Variants in CDH4 observed in about 807,000 individuals in gnomAD.
CDH4 encodes the protein cadherin-4.
Under a neutral mutation model 86.0 loss-of-function variants are expected in CDH4, and 33 were observed. The ratio of observed to expected loss-of-function variants is 0.38; its 90% CI spans 0.29 to 0.51. CDH4 has a LOEUF of 0.51. Ranked by LOEUF, CDH4 falls within the 20% of genes least tolerant of loss-of-function variation. The probability of loss-of-function intolerance (pLI) is 0.86; values close to 1 mark genes in which losing one functional copy is unlikely to be tolerated. For synonymous variants in CDH4, 555 were observed against 549.4 expected (o/e 1.01, Z -0.14); for missense variants, 1,114 against 1,307.4 (o/e 0.85, Z 2.28).
At chr20:61,873,663 G>T in intron 6 of CDH4, 65 bp from the exon 7 acceptor site, 1 of 1,543,184 alleles carries the variant, frequency 6.5e-7, no homozygotes, top group East Asian at 2.2e-5. Context: ...CTCTGCCCAG[G>T]TGTGTGCGGG....
chr20:61,705,140 A>G (rs576420899), intron 2 of CDH4, among the ~76,000 whole-genome samples: 13 of 152,326 alleles, frequency 8.5e-5, no homozygotes, highest in African/African-American at 2.9e-4. Context: ...GCCTAGACCT[A>G]GCAGACTTCC....
intron 2 of CDH4, among the ~76,000 whole-genome samples, chr20:61,426,277 A>G (rs138682830): frequency 1.1e-3 from 165 of 152,272 alleles, no homozygotes; most frequent in African/African-American, 3.6e-3. Flanking sequence ...TTGCTTGGAA[A>G]AACACTCTGG....
intron 4 of CDH4, among the ~76,000 whole-genome samples, chr20:61,825,482 T>C (rs570699831): frequency 1.3e-5 from 2 of 152,224 alleles, no homozygotes; most frequent in East Asian, 3.9e-4. Flanking sequence ...CCAAGCTCAC[T>C]CCTAAGAATG....
At chr20:61,650,736 A>C (rs559040630) in intron 2 of CDH4, among the ~76,000 whole-genome samples, 2 of 152,348 alleles carry the variant, frequency 1.3e-5, no homozygotes, top group East Asian at 3.9e-4. Context: ...TAAAGGTAAC[A>C]ATAATTACAG....
chr20:61,346,059 C>T (rs13045809), intron 2 of CDH4, among the ~76,000 whole-genome samples: 19,938 of 152,200 alleles, frequency 0.13, 1,714 homozygotes, highest in East Asian at 0.32. Context: ...AATGCTCACG[C>T]GGGACAAATT....
intron 6 of CDH4, 54 bp downstream of exon 6, chr20:61,852,952 C>G (rs1982802717): frequency 5.1e-6 from 8 of 1,578,884 alleles, no homozygotes; most frequent in Non-Finnish European, 6.9e-6. Context: ...GCGGGTGCAG[C>G]ACAGGCCCTG....
chr20:61,915,621 A>G (rs1226662497), intron 9 of CDH4, among the ~76,000 whole-genome samples: 1 of 152,200 alleles, frequency 6.6e-6, no homozygotes, highest in Non-Finnish European at 1.5e-5. Flanking sequence ...AGTGCATCAC[A>G]CTAAGTGAGA....
At chr20:61,858,741 T>C (rs1406305709) in intron 6 of CDH4, among the ~76,000 whole-genome samples, 1 of 152,198 alleles carries the variant, frequency 6.6e-6, no homozygotes, top group African/African-American at 2.4e-5. Context: ...GTCGTATCCA[T>C]AGCTCGTTCC....
chr20:61,639,570 A>G (rs1216998993), intron 2 of CDH4, among the ~76,000 whole-genome samples: 1 of 152,210 alleles, frequency 6.6e-6, no homozygotes, highest in African/African-American at 2.4e-5. Context: ...CTAAGAGGTC[A>G]TCTTGATGAG....
intron 2 of CDH4, among the ~76,000 whole-genome samples, chr20:61,428,204 C>T (rs907367160): frequency 2.0e-5 from 3 of 152,186 alleles, no homozygotes; most frequent in Admixed American, 6.5e-5. Context: ...AAAAATCAGA[C>T]ACTACCAAGT....
In CDH4 at chr20:61,910,535, T is replaced by C. The variant is rs2054839054; in HGVS notation, c.1302T>C (p.Ser434=). The change falls in exon 9 of 16, where the codon AGT becomes AGC. Residue 434 remains serine (S), a synonymous_variant. Transcript: ENST00000614565. ...GGAATGCCGTTTACCGCATCATCAG[T>C]GGGGATCCATCCGGGCACTTCAGCG... ...PNWNAVYRII[S]GDPSGHFSVR... is the part of the protein sequence containing the mutation. 1 of 1,613,952 alleles carries C rather than the reference T, an allele frequency of 6.2e-7. No homozygotes were observed. Among genetic ancestry groups the C allele is most frequent in the Non-Finnish European group, 8.5e-7 (1 of 1,180,016 alleles).
intron 4 of CDH4, among the ~76,000 whole-genome samples, chr20:61,840,493 A>T (rs1042673795): frequency 4.6e-5 from 7 of 152,348 alleles, no homozygotes; most frequent in African/African-American, 1.4e-4. Flanking sequence ...TTCCAAGCAG[A>T]AGTCCCTGGG....
chr20:61,447,875 TTTCATCATATTTTCCAACAC>T, intron 2 of CDH4, among the ~76,000 whole-genome samples: 1 of 152,304 alleles, frequency 6.6e-6, no homozygotes, highest in South Asian at 2.1e-4. Flanking sequence ...TTTACCTTCC[TTTCATCATATTTTCCAACAC>T]TTTCCCCAGA....
Position 61,936,890 on chromosome 20 carries a change from G to A in CDH4, c.2698G>A (p.Gly900Arg). The A allele has an allele frequency of 6.2e-7, 1 of 1,602,078 alleles. No individual in the cohort carries two copies. Among genetic ancestry groups the A allele is most frequent in the Non-Finnish European group, 8.5e-7 (1 of 1,174,494 alleles). Residue 900 changes from glycine to arginine, a missense_variant, in exon 16 of 16, where the codon GGG becomes AGG. Gly to Arg is a moderately radical substitution (Grantham distance 125). This residue lies in a region of CDH4 where 188 missense variants were observed against 183.8 expected (regional missense o/e 1.02). Coordinates refer to ENST00000614565, the MANE Select transcript of CDH4 (RefSeq NM_001794.5). ...AGACTACGATTACCTCAACGACTGG[G>A]GGCCCAGATTCAAGAAGCTGGCGGA... ...DQDYDYLNDW[G>R]PRFKKLADMY... is the part of the protein sequence containing the mutation.
intron 2 of CDH4, among the ~76,000 whole-genome samples, chr20:61,632,491 G>T (rs1338231764): frequency 6.6e-6 from 1 of 152,098 alleles, no homozygotes; most frequent in Non-Finnish European, 1.5e-5. Flanking sequence ...TCCGGGAAAT[G>T]ACTTTCACAC....
At chr20:61,371,481 G>A (rs78810790) in intron 2 of CDH4, among the ~76,000 whole-genome samples, 4,143 of 152,334 alleles carry the variant, frequency 0.027, 190 homozygotes, top group African/African-American at 0.094. Context: ...CAGTGCCATC[G>A]GGAAAAGCCT....
intron 2 of CDH4, among the ~76,000 whole-genome samples, chr20:61,562,253 G>GAC (rs1209920395): frequency 0.011 from 967 of 87,478 alleles, 225 homozygotes; most frequent in African/African-American, 0.06. Flanking sequence ...GGCTCCCGGA[G>GAC]AGAGAGGGAC....
chr20:61,460,441 T>C (rs2085435711), intron 2 of CDH4, among the ~76,000 whole-genome samples: 1 of 152,196 alleles, frequency 6.6e-6, no homozygotes, highest in African/African-American at 2.4e-5. Context: ...TGGGGAGGTT[T>C]GGATCCCAGT....
intron 2 of CDH4, among the ~76,000 whole-genome samples, chr20:61,658,980 G>A (rs80278309): frequency 0.015 from 2,326 of 152,286 alleles, 47 homozygotes; most frequent in African/African-American, 0.052. Context: ...CCCTCAAGGC[G>A]TTTCTAACAG....
Sources: allele counts gnomAD v4.1 joint callset (sites outside exome capture counted in the v4.1 genomes callset), GRCh38; gene constraint gnomAD v4.1.1; regional missense constraint gnomAD v4.1.1; transcripts MANE v1.5; gene names NCBI Gene and HGNC (gene_info 2026-07-23, HGNC 2026-07-21).